SLC39A11: variants seen among roughly 807,000 people sequenced by gnomAD.
SLC39A11 encodes the protein solute carrier family 39 member 11, also known as zinc transporter ZIP11.
SLC39A11 carries 33 observed loss-of-function variants against 36.1 expected under a neutral mutation model. The observed-to-expected ratio is 0.91, with a 90% CI of 0.69 to 1.22. The LOEUF is 1.22. Among genes scored for constraint, SLC39A11 ranks in the 50% most tolerant of loss-of-function variants. SLC39A11 has a pLI of 0.00. For missense variants in SLC39A11, 432 were observed against 430.3 expected (o/e 1.00, Z -0.03); for synonymous variants, 166 against 170.3 (o/e 0.97, Z 0.20).
intron 4 of SLC39A11, among the ~76,000 whole-genome samples, chr17:72,984,942 A>G (rs7210102): frequency 0.92 from 140,323 of 152,306 alleles, 64,788 homozygotes; most frequent in East Asian, 1. Flanking sequence ...TGCACACAGC[A>G]GCAATAACCC....
chr17:72,795,360 T>C (rs375088251), intron 6 of SLC39A11, among the ~76,000 whole-genome samples: 21 of 152,172 alleles, frequency 1.4e-4, no homozygotes, highest in African/African-American at 3.1e-4. Flanking sequence ...ATCATAGGTT[T>C]GCCTTAAAGA....
chr17:73,002,458 C>G (rs2089876739), intron 4 of SLC39A11, among the ~76,000 whole-genome samples: 1 of 152,202 alleles, frequency 6.6e-6, no homozygotes, highest in African/African-American at 2.4e-5. Context: ...CAAACTCTTA[C>G]TTAACATGTG....
chr17:72,667,406 C>T (rs891893862), intron 7 of SLC39A11, among the ~76,000 whole-genome samples: 6 of 152,232 alleles, frequency 3.9e-5, no homozygotes, highest in Admixed American at 3.9e-4. Context: ...AAAGAGAAAT[C>T]TTTTCCTTCC....
chr17:72,861,961 T>C (rs1383545730), intron 5 of SLC39A11, among the ~76,000 whole-genome samples: 1 of 151,230 alleles, frequency 6.6e-6, no homozygotes, highest in African/African-American at 2.4e-5. Context: ...GATTTGTCCA[T>C]ATGAAATGAA....
At chr17:72,795,967 G>T (rs1206267236) in intron 6 of SLC39A11, among the ~76,000 whole-genome samples, 3 of 152,088 alleles carry the variant, frequency 2.0e-5, no homozygotes. Context: ...GAAGAATACT[G>T]GGGGGAGAAG....
chr17:73,008,326 C>T (rs1194430727), intron 4 of SLC39A11, among the ~76,000 whole-genome samples: 1 of 152,116 alleles, frequency 6.6e-6, no homozygotes, highest in South Asian at 2.1e-4. Context: ...ATTATTCTGG[C>T]TATTTCCTCT....
intron 7 of SLC39A11, among the ~76,000 whole-genome samples, chr17:72,732,001 A>G (rs1181714111): frequency 5.0e-5 from 7 of 140,044 alleles, no homozygotes; most frequent in Non-Finnish European, 1.1e-4. Flanking sequence ...TGGTGAGATT[A>G]CAGGCCCTTT....
intron 5 of SLC39A11, among the ~76,000 whole-genome samples, chr17:72,850,466 G>GAA (rs34475330): frequency 0.016 from 2,405 of 148,346 alleles, 54 homozygotes; most frequent in Non-Finnish European, 0.024. Flanking sequence ...AAAAGAAAAA[G>GAA]AAAAAAAAAA....
At chr17:73,074,859 C>A (rs190710205) in intron 3 of SLC39A11, among the ~76,000 whole-genome samples, 1 of 152,198 alleles carries the variant, frequency 6.6e-6, no homozygotes, top group African/African-American at 2.4e-5. Context: ...TGCCTTTTCA[C>A]GCCTAGAAGT....
intron 3 of SLC39A11, among the ~76,000 whole-genome samples, chr17:73,066,856 TTTC>T (rs1249875947): frequency 9.8e-5 from 15 of 152,362 alleles, no homozygotes; most frequent in African/African-American, 3.6e-4. Context: ...ATACATTTTA[TTTC>T]TTCTTTATGC....
In SLC39A11 at chr17:72,736,687, T is replaced by G. The variant is rs2074443694; in HGVS notation, c.634A>C (p.Ile212Leu). 4 of 1,614,112 alleles carry G rather than the reference T, an allele frequency of 2.5e-6. No individual in the cohort carries two copies. The highest frequency in any genetic ancestry group is 3.3e-4 in the Middle Eastern group (2 of 6,062). Residue 212 changes from isoleucine to leucine, a missense_variant, in exon 7 of 10, where the codon ATA becomes CTA. Physicochemically the swap from Ile to Leu is conservative, Grantham distance 5. Transcript: ENST00000255559. ...GLAVGVGFGA[I>L]EKTASATFES... ...AAGGTAGCAGATGCCGTCTTTTCTA[T>G]AGCCCCAAATCCAACTCCAACAGCG...
chr17:72,785,494 C>T (rs2076479282), intron 6 of SLC39A11, among the ~76,000 whole-genome samples: 1 of 152,206 alleles, frequency 6.6e-6, no homozygotes, highest in Non-Finnish European at 1.5e-5. Flanking sequence ...TTGGCTCCTC[C>T]ATCTCCGAAG....
At chr17:72,796,334 G>A (rs1374355056) in intron 6 of SLC39A11, among the ~76,000 whole-genome samples, 2 of 152,150 alleles carry the variant, frequency 1.3e-5, no homozygotes, top group Admixed American at 1.3e-4. Flanking sequence ...ACAGCACCCA[G>A]GGAAGCCAGC....
intron 4 of SLC39A11, among the ~76,000 whole-genome samples, chr17:72,995,951 CT>C (rs1055269660): frequency 1.3e-5 from 2 of 151,980 alleles, no homozygotes; most frequent in African/African-American, 2.4e-5. Flanking sequence ...TTCTGAACAT[CT>C]TTTTTTTAGA....
intron 4 of SLC39A11, among the ~76,000 whole-genome samples, chr17:73,019,669 T>A (rs1261027732): frequency 1.3e-5 from 2 of 152,142 alleles, no homozygotes; most frequent in African/African-American, 4.8e-5. Context: ...AAAACTATTT[T>A]ATTAACCCAA....
At chr17:72,861,615 C>A (rs1473151043) in intron 5 of SLC39A11, among the ~76,000 whole-genome samples, 1 of 140,504 alleles carries the variant, frequency 7.1e-6, no homozygotes, top group African/African-American at 2.7e-5. Flanking sequence ...TATATACACA[C>A]AGATACATGG....
At chr17:72,870,266 G>A (rs2080539182) in intron 5 of SLC39A11, among the ~76,000 whole-genome samples, 1 of 152,048 alleles carries the variant, frequency 6.6e-6, no homozygotes, top group Non-Finnish European at 1.5e-5. Flanking sequence ...TCTTGGGAAT[G>A]TCCTCTTCCT....
chr17:72,698,767 G>A (rs1326776947), intron 7 of SLC39A11, among the ~76,000 whole-genome samples: 1 of 152,164 alleles, frequency 6.6e-6, no homozygotes, highest in Non-Finnish European at 1.5e-5. Flanking sequence ...CATTCCTCCA[G>A]TGTGAATACC....
chr17:73,051,970 C>T lies in SLC39A11; in HGVS notation c.148-20256G>A, dbSNP rs1356169210. On this transcript the variant is annotated intron_variant, in intron 3 of 9. Transcript: ENST00000255559. Reference sequence around the variant, plus strand: ...CAGGCTTAGGACACTGATTCAGACCCGTGTCACCTCTATGGGCCTCAGTTT... The same window carrying T: ...CAGGCTTAGGACACTGATTCAGACCTGTGTCACCTCTATGGGCCTCAGTTT... 5.3e-5 allele frequency among the ~76,000 whole-genome samples: 8 copies of T among 151,684 alleles called. No homozygotes were observed. The South Asian group carries it at 1.2e-3, about 24-fold the overall frequency.
Sources: gnomAD v4.1 joint callset for allele counts (sites outside exome capture counted in the v4.1 genomes callset) on GRCh38, gnomAD v4.1.1 for gene constraint, MANE v1.5 for transcripts, NCBI Gene and HGNC (gene_info 2026-07-23, HGNC 2026-07-21) for gene names.